MND1: variants seen among roughly 807,000 people sequenced by gnomAD.
MND1 encodes meiotic nuclear division protein 1 homolog.
A neutral mutation model predicts 35.1 loss-of-function variants in MND1; 28 were observed. The observed-to-expected ratio is 0.80, with a 90% CI of 0.59 to 1.09. MND1 has a LOEUF of 1.09. MND1 is among the 50% of genes least tolerant of loss of function. The pLI, the probability that MND1 is intolerant of heterozygous loss-of-function variation, is 0.00. For missense variants in MND1, 213 were observed against 239.6 expected, an observed-to-expected ratio of 0.89 and a Z score of 0.73; for synonymous variants, 69 against 70.5, an observed-to-expected ratio of 0.98 and a Z score of 0.11.
At position 153,382,342 on chromosome 4, in the gene MND1, A is replaced by G. The variant is rs187594093; in HGVS notation, c.277-11920A>G. On this transcript the variant is annotated intron_variant, in intron 4 of 7. Transcript: ENST00000240488. ...CCTCTAACACTTTGGTTTACCATCA[A>G]TCTTTGTTTGGTGGGTTGCTCACAA... 1.1e-3 allele frequency among the ~76,000 whole-genome samples: 168 copies of G among 152,266 alleles called. 1 individual carries two copies. The highest frequency in any genetic ancestry group is 3.6e-3 in the African/African-American group (149 of 41,548).
At chr4:153,413,258 A>G (rs2149661881) in intron 7 of MND1, among the ~76,000 whole-genome samples, 1 of 152,290 alleles carries the variant, frequency 6.6e-6, no homozygotes, top group African/African-American at 2.4e-5. Context: ...TATCACTACT[A>G]ACAGAGTGTT....
intron 4 of MND1, among the ~76,000 whole-genome samples, chr4:153,383,708 G>A (rs1728771923): frequency 6.6e-6 from 1 of 152,198 alleles, no homozygotes; most frequent in Non-Finnish European, 1.5e-5. Context: ...TACAGAGGTA[G>A]CATGAAGGAG....
chr4:153,384,522 G>A (rs946119505), intron 4 of MND1, among the ~76,000 whole-genome samples: 5 of 136,980 alleles, frequency 3.7e-5, no homozygotes, highest in African/African-American at 1.1e-4. Flanking sequence ...CAAACTCCTG[G>A]CCTCAACCGA....
chr4:153,381,692 A>ATTTTTTTTT, intron 4 of MND1: 1 of 17,476 alleles, frequency 5.7e-5, no homozygotes, highest in Non-Finnish European at 1.0e-4. Context: ...ATATATATAT[A>ATTTTTTTTT]TTTTTTTTTT....
At chr4:153,382,401 C>A (rs1011895448) in intron 4 of MND1, among the ~76,000 whole-genome samples, 1 of 152,176 alleles carries the variant, frequency 6.6e-6, no homozygotes, top group South Asian at 2.1e-4. Context: ...AATGTGTTCG[C>A]TTGCTTTCTT....
intron 6 of MND1, among the ~76,000 whole-genome samples, 189 bp from the exon 7 acceptor site, chr4:153,408,782 A>G (rs1412594099): frequency 2.6e-5 from 4 of 151,844 alleles, no homozygotes; most frequent in Non-Finnish European, 4.4e-5. Context: ...GGAATTTGCA[A>G]GAGTTTGTAA....
chr4:153,350,951 T>TAA (rs567868452), intron 2 of MND1, among the ~76,000 whole-genome samples: 1,486 of 123,486 alleles, frequency 0.012, 15 homozygotes, highest in African/African-American at 0.025. Context: ...AGATTCTTAG[T>TAA]AAAAAAAAAA....
At chr4:153,357,763 G>A (rs997142672) in intron 3 of MND1, among the ~76,000 whole-genome samples, 2 of 152,074 alleles carry the variant, frequency 1.3e-5, no homozygotes, top group Admixed American at 6.5e-5. Context: ...ATTCAATCCA[G>A]TCTACAAGAT....
chr4:153,370,808 C>T (rs1773772083), intron 4 of MND1, among the ~76,000 whole-genome samples: 1 of 152,002 alleles, frequency 6.6e-6, no homozygotes, highest in Non-Finnish European at 1.5e-5. Context: ...CGGGAGCCAC[C>T]ATGCCTGGCC....
chr4:153,364,577 G>A (rs1442001479), intron 4 of MND1, among the ~76,000 whole-genome samples: 2 of 151,758 alleles, frequency 1.3e-5, no homozygotes, highest in Non-Finnish European at 2.9e-5. Flanking sequence ...GGGTCTTGAA[G>A]AGCTATTTGT....
chr4:153,405,795 AG>A (rs1488338965), intron 6 of MND1, among the ~76,000 whole-genome samples: 1 of 152,112 alleles, frequency 6.6e-6, no homozygotes, highest in African/African-American at 2.4e-5. Context: ...AACTCTTAGA[AG>A]AAAACAGATT....
intron 4 of MND1, among the ~76,000 whole-genome samples, chr4:153,380,577 C>G (rs1426517079): frequency 1.3e-5 from 2 of 152,158 alleles, no homozygotes; most frequent in Non-Finnish European, 2.9e-5. Flanking sequence ...AGCACATTAC[C>G]ACCTCAGTCT....
intron 6 of MND1, among the ~76,000 whole-genome samples, chr4:153,401,887 G>A (rs1729355329): frequency 6.6e-6 from 1 of 152,176 alleles, no homozygotes. Flanking sequence ...ATATCATTAA[G>A]CAAGTATTTA....
intron 4 of MND1, among the ~76,000 whole-genome samples, chr4:153,390,682 C>CAAA (rs886598860): frequency 6.6e-6 from 1 of 151,394 alleles, no homozygotes; most frequent in South Asian, 2.1e-4. Flanking sequence ...TTCATCTCTA[C>CAAA]AAAAAAAATA....
At chr4:153,396,457 T>A (rs1259816248) in intron 5 of MND1, among the ~76,000 whole-genome samples, 1 of 152,232 alleles carries the variant, frequency 6.6e-6, no homozygotes, top group Non-Finnish European at 1.5e-5. Context: ...TTACGAGTCG[T>A]GTTAGGCAGT....
chr4:153,405,230 A>G (rs1729461329), intron 6 of MND1, among the ~76,000 whole-genome samples: 1 of 152,144 alleles, frequency 6.6e-6, no homozygotes, highest in Non-Finnish European at 1.5e-5. Context: ...CCCAATTTCA[A>G]AACTCGCTAC....
chr4:153,406,917 G>A (rs537871017), intron 6 of MND1, among the ~76,000 whole-genome samples: 7 of 152,314 alleles, frequency 4.6e-5, no homozygotes, highest in South Asian at 2.1e-4. Context: ...TGAAAGGTAC[G>A]TCTCACATGG....
At chr4:153,379,125 A>G (rs1231208267) in intron 4 of MND1, among the ~76,000 whole-genome samples, 1 of 151,856 alleles carries the variant, frequency 6.6e-6, no homozygotes, top group East Asian at 1.9e-4. Context: ...CGTCTCTACT[A>G]AAAGTACCAA....
chr4:153,402,145 C>T (rs1295527940), intron 6 of MND1, among the ~76,000 whole-genome samples: 1 of 152,094 alleles, frequency 6.6e-6, no homozygotes, highest in Non-Finnish European at 1.5e-5. Context: ...CAGAGCGAAA[C>T]AGTCTCAAAA....
Sources: allele counts gnomAD v4.1 joint callset (sites outside exome capture counted in the v4.1 genomes callset), GRCh38; gene constraint gnomAD v4.1.1; transcripts MANE v1.5; gene names NCBI Gene and HGNC (gene_info 2026-07-23, HGNC 2026-07-21).